Variants in GIPC2 observed in about 807,000 individuals in gnomAD.
The protein encoded by GIPC2 is PDZ domain-containing protein GIPC2.
Under a neutral mutation model 30.6 loss-of-function variants are expected in GIPC2, and 30 were observed. The ratio of observed to expected loss-of-function variants is 0.98; its 90% CI spans 0.73 to 1.33. GIPC2 has a LOEUF of 1.33. Ranked by LOEUF, GIPC2 falls within the 40% of genes most tolerant of loss-of-function variation. GIPC2 has a pLI of 0.00. For synonymous variants in GIPC2, 167 were observed against 150.0 expected (o/e 1.11, Z -0.83); for missense variants, 414 against 390.3 (o/e 1.06, Z -0.51).
At chr1:78,132,543 C>T (rs1662918646) in intron 5 of GIPC2, among the ~76,000 whole-genome samples, 1 of 152,032 alleles carries the variant, frequency 6.6e-6, no homozygotes, top group Non-Finnish European at 1.5e-5. Context: ...CAAGTCAGTG[C>T]AGGTGAAATC....
At chr1:78,056,075 T>A (rs1661289719) in intron 1 of GIPC2, among the ~76,000 whole-genome samples, 1 of 152,180 alleles carries the variant, frequency 6.6e-6, no homozygotes, top group Non-Finnish European at 1.5e-5. Context: ...GTGCCTATCC[T>A]CTAAACTTCC....
chr1:78,131,284 C>T (rs1263426051), intron 5 of GIPC2, among the ~76,000 whole-genome samples: 1 of 152,010 alleles, frequency 6.6e-6, no homozygotes, highest in African/African-American at 2.4e-5. Context: ...TCTCGGCTCA[C>T]TGCAAGCTCC....
intron 3 of GIPC2, among the ~76,000 whole-genome samples, chr1:78,113,492 ATCC>A (rs33934246): frequency 0.31 from 47,455 of 151,902 alleles, 9,544 homozygotes; most frequent in Non-Finnish European, 0.44. Flanking sequence ...GGCTCAAGCA[ATCC>A]TCCTGCTTCA....
chr1:78,128,793 G>T (rs1487125117), intron 5 of GIPC2, among the ~76,000 whole-genome samples: 1 of 151,868 alleles, frequency 6.6e-6, no homozygotes, highest in Non-Finnish European at 1.5e-5. Flanking sequence ...ACCAGCCTGG[G>T]CAACATAGTG....
At chr1:78,045,661 G>A, upstream of GIPC2, 3 of 985,446 alleles carry the variant, frequency 3.0e-6, no homozygotes, top group African/African-American at 3.5e-5. Context: ...CCCTATCCCC[G>A]AAAGTCCAGA....
chr1:78,045,934 G>T, upstream of GIPC2: 1 of 1,357,524 alleles, frequency 7.4e-7, no homozygotes. Context: ...CCGGTCCAGG[G>T]GTGGAGGTCG....
At chr1:78,070,670 A>T (rs947205916) in intron 1 of GIPC2, among the ~76,000 whole-genome samples, 1 of 151,906 alleles carries the variant, frequency 6.6e-6, no homozygotes, top group Non-Finnish European at 1.5e-5. Context: ...TGGGATTTTG[A>T]TTTTCTTGGA....
chr1:78,049,645 G>A (rs930730822), intron 1 of GIPC2, among the ~76,000 whole-genome samples: 2 of 152,202 alleles, frequency 1.3e-5, no homozygotes, highest in African/African-American at 2.4e-5. Flanking sequence ...AAGTGGAGCA[G>A]ATAATCAGGG....
At chr1:78,110,174 T>C (rs1662440440) in intron 3 of GIPC2, among the ~76,000 whole-genome samples, 1 of 150,460 alleles carries the variant, frequency 6.6e-6, no homozygotes, top group East Asian at 1.9e-4. Flanking sequence ...AACCTAAAAC[T>C]TAAAGTAAAA....
chr1:78,126,848 TG>T, intron 5 of GIPC2, among the ~76,000 whole-genome samples: 1 of 152,206 alleles, frequency 6.6e-6, no homozygotes, highest in Admixed American at 6.5e-5. Context: ...ATATTGTCGC[TG>T]GTTGGTCTGA....
At chr1:78,103,254 C>T (rs1276124350) in intron 3 of GIPC2, among the ~76,000 whole-genome samples, 1 of 152,140 alleles carries the variant, frequency 6.6e-6, no homozygotes, top group East Asian at 1.9e-4. Context: ...TAATAGCTAC[C>T]ATTTGTTGAA....
intron 3 of GIPC2, among the ~76,000 whole-genome samples, chr1:78,114,450 TG>T (rs1662530282): frequency 6.6e-6 from 1 of 152,214 alleles, no homozygotes; most frequent in Non-Finnish European, 1.5e-5. Flanking sequence ...CCATCCTGCT[TG>T]TTTTTGTCTA....
At chr1:78,103,249 G>T (rs1662284054) in intron 3 of GIPC2, among the ~76,000 whole-genome samples, 1 of 152,178 alleles carries the variant, frequency 6.6e-6, no homozygotes, top group African/African-American at 2.4e-5. Context: ...AACAATAATA[G>T]CTACCATTTG....
chr1:78,080,442 A>G (rs1441031367), intron 1 of GIPC2, among the ~76,000 whole-genome samples: 2 of 152,184 alleles, frequency 1.3e-5, no homozygotes, highest in Non-Finnish European at 2.9e-5. Flanking sequence ...AATGGGATGT[A>G]AATTGTCTAG....
intron 1 of GIPC2, among the ~76,000 whole-genome samples, chr1:78,070,604 C>T (rs1318746948): frequency 6.6e-6 from 1 of 152,116 alleles, no homozygotes. Context: ...TCCACAAAGG[C>T]AAGACTTACA....
intron 2 of GIPC2, among the ~76,000 whole-genome samples, chr1:78,088,052 T>A (rs1339966387): frequency 6.7e-6 from 1 of 150,258 alleles, no homozygotes; most frequent in Non-Finnish European, 1.5e-5. Context: ...CACAGTGAGA[T>A]ACCATCTCAC....
At chr1:78,100,983 T>C (rs866713775) in intron 3 of GIPC2, among the ~76,000 whole-genome samples, 93 of 119,580 alleles carry the variant, frequency 7.8e-4, no homozygotes, top group South Asian at 3.7e-3. Flanking sequence ...CACACACACA[T>C]ACACACGAGG....
At chr1:78,132,664 G>GTTGTGTGT in intron 5 of GIPC2, among the ~76,000 whole-genome samples, 1 of 38,834 alleles carries the variant, frequency 2.6e-5, no homozygotes, top group South Asian at 9.2e-4. Flanking sequence ...TATAGCCAAG[G>GTTGTGTGT]ATGTGTGTGT....
intron 3 of GIPC2, among the ~76,000 whole-genome samples, chr1:78,107,024 C>T (rs1289135390): frequency 6.6e-6 from 1 of 151,506 alleles, no homozygotes; most frequent in African/African-American, 2.4e-5. Context: ...CTTTTAATTT[C>T]TTCTCCCTCC....
Sources: allele counts gnomAD v4.1 joint callset (sites outside exome capture counted in the v4.1 genomes callset), GRCh38; gene constraint gnomAD v4.1.1; transcripts MANE v1.5; gene names NCBI Gene and HGNC (gene_info 2026-07-23, HGNC 2026-07-21).